WWOX: variants seen among roughly 807,000 people sequenced by gnomAD.
The protein encoded by WWOX is WW domain-containing oxidoreductase.
Under a neutral mutation model 46.2 loss-of-function variants are expected in WWOX, and 69 were observed. The ratio of observed to expected loss-of-function variants is 1.49; its 90% CI spans 1.23 to 1.82. The LOEUF (loss-of-function observed/expected upper bound fraction) is 1.82. Among genes scored for constraint, WWOX ranks in the 40% most tolerant of loss-of-function variants. The probability of loss-of-function intolerance (pLI) is 0.00; values close to 1 mark genes in which losing one functional copy is unlikely to be tolerated. For synonymous variants in WWOX, 359 were observed against 202.6 expected (o/e 1.77, Z -6.56); for missense variants, 919 against 542.6 (o/e 1.69, Z -6.89).
intron 8 of WWOX, among the ~76,000 whole-genome samples, chr16:79,061,069 C>G (rs767674025): frequency 6.6e-6 from 1 of 152,134 alleles, no homozygotes. Context: ...CACAGCCTCT[C>G]GAAGGGACGT....
At chr16:78,605,707 G>T (rs1233969002) in intron 8 of WWOX, among the ~76,000 whole-genome samples, 1 of 152,140 alleles carries the variant, frequency 6.6e-6, no homozygotes, top group East Asian at 1.9e-4. Flanking sequence ...TCATATTCCT[G>T]AGTGTCTACA....
At chr16:78,483,792 A>C (rs1034772237) in intron 8 of WWOX, among the ~76,000 whole-genome samples, 1 of 152,060 alleles carries the variant, frequency 6.6e-6, no homozygotes, top group East Asian at 1.9e-4. Flanking sequence ...CTTCTTGTTT[A>C]TTTATTTAAC....
chr16:78,924,216 C>T (rs2045446585), intron 8 of WWOX, among the ~76,000 whole-genome samples: 2 of 152,046 alleles, frequency 1.3e-5, no homozygotes, highest in African/African-American at 2.4e-5. Context: ...GAAGCTTGGT[C>T]TTGAAGCTGT....
chr16:78,507,965 G>C (rs558623409), intron 8 of WWOX, among the ~76,000 whole-genome samples: 23 of 136,702 alleles, frequency 1.7e-4, no homozygotes, highest in African/African-American at 6.1e-4. Flanking sequence ...TTTATGCATG[G>C]ACTGTGGTGT....
At chr16:78,430,682 G>C (rs1271324393) in intron 7 of WWOX, among the ~76,000 whole-genome samples, 1 of 152,088 alleles carries the variant, frequency 6.6e-6, no homozygotes, top group Non-Finnish European at 1.5e-5. Context: ...TTGGGTACTA[G>C]AAAAAAGGCA....
chr16:78,793,268 A>C (rs927831596), intron 8 of WWOX, among the ~76,000 whole-genome samples: 1 of 152,018 alleles, frequency 6.6e-6, no homozygotes, highest in African/African-American at 2.4e-5. Context: ...GCCATGTTGC[A>C]CTGGCTGGTC....
At chr16:78,883,118 G>T (rs1204586363) in intron 8 of WWOX, among the ~76,000 whole-genome samples, 1 of 152,170 alleles carries the variant, frequency 6.6e-6, no homozygotes, top group East Asian at 1.9e-4. Context: ...AGGAAGAATT[G>T]ATCACCTTTT....
At chr16:79,099,516 C>G (rs960823908) in intron 8 of WWOX, among the ~76,000 whole-genome samples, 1 of 151,382 alleles carries the variant, frequency 6.6e-6, no homozygotes, top group Non-Finnish European at 1.5e-5. Context: ...CTATGCTGGC[C>G]AGTTTCTTTA....
chr16:78,425,704 C>T (rs1404234094), intron 7 of WWOX, among the ~76,000 whole-genome samples: 3 of 152,106 alleles, frequency 2.0e-5, no homozygotes, highest in Non-Finnish European at 2.9e-5. Flanking sequence ...AACTATTTGT[C>T]TAGAGAGAAG....
At chr16:78,788,906 C>T (rs1438013601) in intron 8 of WWOX, among the ~76,000 whole-genome samples, 1 of 152,256 alleles carries the variant, frequency 6.6e-6, no homozygotes, top group South Asian at 2.1e-4. Context: ...GCTGCTGTCC[C>T]CTGCTTAGTA....
At chr16:78,904,599 G>A (rs1032816913) in intron 8 of WWOX, among the ~76,000 whole-genome samples, 13 of 152,088 alleles carry the variant, frequency 8.5e-5, no homozygotes, top group African/African-American at 2.4e-4. Context: ...CCCCAGGTCA[G>A]CCTGCCTCCC....
intron 8 of WWOX, among the ~76,000 whole-genome samples, chr16:79,153,747 G>C (rs752217405): frequency 3.3e-5 from 5 of 151,872 alleles, no homozygotes; most frequent in Non-Finnish European, 7.4e-5. Flanking sequence ...AGTATCATCT[G>C]TTTTTTGGGG....
At chr16:78,352,459 C>G (rs1194553576) in intron 5 of WWOX, among the ~76,000 whole-genome samples, 5 of 152,166 alleles carry the variant, frequency 3.3e-5, no homozygotes, top group Non-Finnish European at 7.3e-5. Flanking sequence ...AGGGACTGCC[C>G]AAATCCTTTG....
intron 4 of WWOX, among the ~76,000 whole-genome samples, chr16:78,152,163 C>T (rs570555886): frequency 5.3e-5 from 8 of 150,436 alleles, no homozygotes; most frequent in Middle Eastern, 3.2e-3. Flanking sequence ...GCACTCCAGC[C>T]TGGGCGACAG....
chr16:79,200,561 G>A (rs946730813), intron 8 of WWOX, among the ~76,000 whole-genome samples: 3 of 152,080 alleles, frequency 2.0e-5, no homozygotes, highest in East Asian at 1.9e-4. Context: ...GATATTGTGC[G>A]AATCAGAAGT....
rs72806836 is a variant in WWOX, at chr16:78,218,563, C to G, written c.516+54274C>G. Among the ~76,000 whole-genome samples, 410 of 152,220 alleles carry G rather than the reference C, an allele frequency of 2.7e-3. 5 individuals carry two copies. The highest frequency in any genetic ancestry group is 0.014 in the Admixed American group (218 of 15,294). On this transcript the variant is annotated intron_variant, in intron 5 of 8. Coordinates refer to ENST00000566780, the MANE Select transcript of WWOX (RefSeq NM_016373.4). ...AATTTACCGCCAACCCACAGGAAAACTATTCTCCTTCTTCTAAGGAAAAAA... is the reference window on the plus strand; with the variant it reads ...AATTTACCGCCAACCCACAGGAAAAGTATTCTCCTTCTTCTAAGGAAAAAA...
At chr16:78,826,787 A>T (rs2051669686) in intron 8 of WWOX, among the ~76,000 whole-genome samples, 2 of 152,092 alleles carry the variant, frequency 1.3e-5, no homozygotes, top group Admixed American at 1.3e-4. Context: ...GTGAGGTTTG[A>T]GGGGTGGTAT....
At chr16:79,024,717 G>C (rs1422468687) in intron 8 of WWOX, among the ~76,000 whole-genome samples, 2 of 151,962 alleles carry the variant, frequency 1.3e-5, no homozygotes, top group Non-Finnish European at 2.9e-5. Flanking sequence ...TTACAGGCAT[G>C]AGCCACCATG....
rs76808224 is a variant in WWOX at position 78,341,791 on chromosome 16, G to A, written c.517-45069G>A. The stretch of plus-strand genomic sequence containing the variant: ...GGCCAAATAGATGAGTCCCTATTGG[G>A]TTTTGCCTCTCCACAATCTAGAGGA... On this transcript the variant is annotated intron_variant, in intron 5 of 8. Coordinates refer to ENST00000566780, the MANE Select transcript of WWOX (RefSeq NM_016373.4). 2.9e-4 allele frequency among the ~76,000 whole-genome samples: 35 copies of A among 120,820 alleles called. 8 individuals carry two copies. Among genetic ancestry groups the A allele is most frequent in the South Asian group, 7.4e-4 (3 of 4,030 alleles). The allele number at this position is 120,820 out of a possible 152,430, so 79.3% of individuals were successfully genotyped here.
Sources: allele counts gnomAD v4.1 joint callset (sites outside exome capture counted in the v4.1 genomes callset), GRCh38; gene constraint gnomAD v4.1.1; transcripts MANE v1.5; gene names NCBI Gene and HGNC (gene_info 2026-07-23, HGNC 2026-07-21).